Variants in FAT3 observed in about 807,000 individuals in gnomAD.
FAT3 encodes the protein protocadherin Fat 3.
In FAT3, 95 loss-of-function variants were observed where a neutral mutation model predicts 310.2. That is an observed-to-expected ratio of 0.31 (90% CI 0.26 to 0.36). The LOEUF (loss-of-function observed/expected upper bound fraction) is 0.36. FAT3 is among the 10% of genes least tolerant of loss of function. The pLI, the probability that FAT3 is intolerant of heterozygous loss-of-function variation, is 1.00. For synonymous variants in FAT3, 2,314 were observed against 2,192.9 expected (o/e 1.06, Z -1.54); for missense variants, 5,408 against 5,715.6 (o/e 0.95, Z 1.74).
chr11:92,336,237 A>G (rs1424360580), intron 1 of FAT3: 3 of 562,080 alleles, frequency 5.3e-6, no homozygotes, highest in Admixed American at 3.9e-5. Context: ...GACAACTCAC[A>G]TGTTCCAGAT....
rs1467575188 is a variant in FAT3 at position 92,385,283 on chromosome 11, G to C, written c.3292+29879G>C. ...GAGTTATCTGGCATCCCAGGAAATG[G>C]GCTGGTGTTTCCAAGTGTCCGTAGG... On this transcript the variant is annotated intron_variant, in intron 2 of 27. Coordinates refer to ENST00000525166, the MANE Select transcript of FAT3 (RefSeq NM_001367949.2). Among the ~76,000 whole-genome samples the C allele has an allele frequency of 2.0e-5, 3 of 152,158 alleles. No individual in the cohort carries two copies. The East Asian group carries it at 5.8e-4, about 29-fold the overall frequency.
At chr11:92,712,053 A>C (rs1280377640) in intron 4 of FAT3, among the ~76,000 whole-genome samples, 2 of 152,226 alleles carry the variant, frequency 1.3e-5, no homozygotes, top group Non-Finnish European at 2.9e-5. Flanking sequence ...TGCAAGCGAC[A>C]TTCGCATTTG....
intron 4 of FAT3, among the ~76,000 whole-genome samples, chr11:92,701,033 A>G (rs1312195346): frequency 2.0e-5 from 3 of 152,144 alleles, no homozygotes; most frequent in Non-Finnish European, 4.4e-5. Flanking sequence ...GAAACTGCTG[A>G]TATATTTTGT....
intron 8 of FAT3, among the ~76,000 whole-genome samples, chr11:92,790,499 AG>A (rs762627042): frequency 5.9e-5 from 9 of 152,220 alleles, no homozygotes; most frequent in Non-Finnish European, 1.0e-4. Flanking sequence ...GGGAAGGAAC[AG>A]GTCATGTTCC....
At chr11:92,470,259 G>A (rs1302539401) in intron 2 of FAT3, among the ~76,000 whole-genome samples, 1 of 152,180 alleles carries the variant, frequency 6.6e-6, no homozygotes, top group Admixed American at 6.5e-5. Context: ...ATAAACTAAA[G>A]ACAATTATTC....
At chr11:92,744,217 T>G (rs914697400) in intron 4 of FAT3, among the ~76,000 whole-genome samples, 7 of 152,244 alleles carry the variant, frequency 4.6e-5, no homozygotes, top group Non-Finnish European at 1.0e-4. Context: ...CTAATTTCTT[T>G]TGATTCTTCT....
chr11:92,555,729 T>G (rs1954994271), intron 3 of FAT3, among the ~76,000 whole-genome samples: 1 of 152,206 alleles, frequency 6.6e-6, no homozygotes, highest in African/African-American at 2.4e-5. Flanking sequence ...CCCTGCTCAG[T>G]CATTGGCAGA....
chr11:92,245,977 G>A (rs138127824), intron 1 of FAT3, among the ~76,000 whole-genome samples: 133 of 152,194 alleles, frequency 8.7e-4, no homozygotes, highest in African/African-American at 2.9e-3. Flanking sequence ...GAAAGCATGC[G>A]TCACTCTCAT....
In FAT3 at chr11:92,895,664, T is replaced by A. The variant is rs904000555; in HGVS notation, c.*4551T>A. 6.6e-6 allele frequency: 1 copy of A among 152,170 alleles called. No homozygotes were observed. The highest frequency in any genetic ancestry group is 6.5e-5 in the Admixed American group (1 of 15,276). 9.4% of individuals were successfully genotyped at this position (152,170 alleles called of 1,614,324 possible). A position where few individuals can be genotyped will look rare whatever the true frequency, so the allele number is the denominator to read the frequency against. ...TGCATTTTGGGAGTGGCAAATGTGT[T>A]TGGAAATGGAAGCAGTTCTTTTTAA... On this transcript the variant is annotated 3_prime_UTR_variant, in exon 28 of 28. Transcript: ENST00000525166.
chr11:92,368,845 T>TATATATATATAC (rs1196442457), intron 2 of FAT3, among the ~76,000 whole-genome samples: 20 of 145,856 alleles, frequency 1.4e-4, no homozygotes, highest in Admixed American at 4.8e-4. Context: ...TATATATATA[T>TATATATATATAC]ATACACACAT....
intron 7 of FAT3, among the ~76,000 whole-genome samples, chr11:92,784,963 A>G (rs1161086702): frequency 1.3e-5 from 2 of 151,900 alleles, no homozygotes; most frequent in African/African-American, 4.8e-5. Flanking sequence ...GAATGAAAGA[A>G]TTGGCATTCA....
chr11:92,265,587 A>G (rs550326622), intron 1 of FAT3, among the ~76,000 whole-genome samples: 1 of 152,194 alleles, frequency 6.6e-6, no homozygotes, highest in Non-Finnish European at 1.5e-5. Flanking sequence ...TTGGGCTGCT[A>G]TAACCAAAAT....
intron 4 of FAT3, among the ~76,000 whole-genome samples, chr11:92,715,729 G>A (rs76659200): frequency 0.037 from 5,684 of 152,158 alleles, 251 homozygotes; most frequent in East Asian, 0.21. Flanking sequence ...CAACTTGTAT[G>A]TGCTATAAAG....
Position 92,800,930 on chromosome 11 carries a change from C to G in FAT3, c.7917C>G (p.Leu2639=), listed in dbSNP as rs745625535. 4 of 1,612,628 alleles carry G rather than the reference C, an allele frequency of 2.5e-6. No homozygotes were observed. Among genetic ancestry groups the G allele is most frequent in the East Asian group, 2.2e-5 (1 of 44,776 alleles). ...CAAATTCAAGGATTACTTATTCCCT[C>G]TATAGCGAGGCCTCTGTTTCAGTGG... ...DGANSRITYS[L]YSEASVSVAD... is the part of the protein sequence containing the mutation. The change falls in exon 10 of 28, where the codon CTC becomes CTG. Residue 2639 remains leucine (L), a synonymous_variant. Transcript: ENST00000525166.
chr11:92,241,362 A>G lies in FAT3; in HGVS notation c.-18+16188A>G, dbSNP rs182389822. 4.9e-4 allele frequency among the ~76,000 whole-genome samples: 74 copies of G among 152,160 alleles called. No individual in the cohort carries two copies. In the East Asian group the frequency reaches 9.1e-3, roughly 19 times the overall value. ...CAAATGGAGTACTCATATTTAAAAGATACACTTAATTATATGCCAAGACAG... is the reference window on the plus strand; with the variant it reads ...CAAATGGAGTACTCATATTTAAAAGGTACACTTAATTATATGCCAAGACAG... On this transcript the variant is annotated intron_variant, in intron 1 of 27. Coordinates refer to ENST00000525166, the MANE Select transcript of FAT3 (RefSeq NM_001367949.2).
intron 6 of FAT3, among the ~76,000 whole-genome samples, chr11:92,767,468 G>A (rs1205783321): frequency 6.6e-6 from 1 of 151,966 alleles, no homozygotes; most frequent in Non-Finnish European, 1.5e-5. Context: ...CTGCTGACCC[G>A]TAGTACATCC....
chr11:92,537,766 C>T (rs1369526529), intron 3 of FAT3, among the ~76,000 whole-genome samples: 1 of 152,078 alleles, frequency 6.6e-6, no homozygotes, highest in Non-Finnish European at 1.5e-5. Flanking sequence ...TTGCTGTCAA[C>T]GTTTGAAATA....
At chr11:92,446,691 C>T (rs569880969) in intron 2 of FAT3, among the ~76,000 whole-genome samples, 5 of 152,226 alleles carry the variant, frequency 3.3e-5, no homozygotes, top group South Asian at 2.1e-4. Context: ...CATGTTTCCA[C>T]GCATTAAATT....
intron 3 of FAT3, among the ~76,000 whole-genome samples, chr11:92,584,628 G>A (rs1939036092): frequency 2.4e-5 from 1 of 42,162 alleles, no homozygotes; most frequent in Non-Finnish European, 4.4e-5. Context: ...TAAAATGGAG[G>A]TTGAAACACA....
Sources: allele counts gnomAD v4.1 joint callset (sites outside exome capture counted in the v4.1 genomes callset), GRCh38; gene constraint gnomAD v4.1.1; transcripts MANE v1.5; gene names NCBI Gene and HGNC (gene_info 2026-07-23, HGNC 2026-07-21).